The following IQGAP2 variants were observed in gnomAD, a reference collection of about 807,000 sequenced individuals.
IQGAP2 encodes the protein ras GTPase-activating-like protein IQGAP2.
IQGAP2 carries 173 observed loss-of-function variants against 201.3 expected under a neutral mutation model. The ratio of observed to expected loss-of-function variants is 0.86; its 90% CI spans 0.76 to 0.98. The LOEUF is 0.98. Among genes scored for constraint, IQGAP2 ranks in the 50% least tolerant of loss-of-function variants. The pLI is 0.00. For synonymous variants in IQGAP2, 675 were observed against 673.9 expected (o/e 1.00, Z -0.03); for missense variants, 1,687 against 1,864.8 (o/e 0.90, Z 1.76).
rs541671211 is a variant in IQGAP2, at chr5:76,428,078, G to A, written c.46+24487G>A. ...TGAAGGGGCAAACTGGCCCCAGAGA[G>A]GCAGCAGCTTGGACTGTTAGACTCT... On this transcript the variant is annotated intron_variant, in intron 1 of 35. Coordinates refer to ENST00000274364, the MANE Select transcript of IQGAP2 (RefSeq NM_006633.5). Among the ~76,000 whole-genome samples the A allele has an allele frequency of 7.2e-5, 11 of 152,332 alleles. No homozygotes were observed. In the South Asian group the frequency reaches 1.9e-3, roughly 26 times the overall value.
At chr5:76,662,145 G>A (rs1158285914) in intron 21 of IQGAP2, among the ~76,000 whole-genome samples, 2 of 152,118 alleles carry the variant, frequency 1.3e-5, no homozygotes, top group Non-Finnish European at 2.9e-5. Context: ...GCACATTCTG[G>A]AGCAAGTCAG....
intron 1 of IQGAP2, among the ~76,000 whole-genome samples, chr5:76,434,877 G>T (rs1427001302): frequency 2.5e-5 from 1 of 39,898 alleles, no homozygotes; most frequent in Non-Finnish European, 7.9e-5. Flanking sequence ...ATTGTTTTTT[G>T]ATTTTTATTA....
intron 2 of IQGAP2, among the ~76,000 whole-genome samples, chr5:76,489,841 C>T (rs530283398): frequency 6.6e-6 from 1 of 152,346 alleles, no homozygotes; most frequent in South Asian, 2.1e-4. Flanking sequence ...AGGATTGTTT[C>T]TGACTCCTGT....
chr5:76,660,349 A>G (rs1743144082), intron 21 of IQGAP2: 1 of 152,244 alleles, frequency 6.6e-6, no homozygotes, highest in Admixed American at 6.5e-5. Context: ...TACTTTTATT[A>G]TTTTATCCAG....
In IQGAP2 at chr5:76,424,584, A is replaced by G. The variant is rs1751896640; in HGVS notation, c.46+20993A>G. Among the ~76,000 whole-genome samples the G allele has an allele frequency of 2.0e-5, 3 of 152,254 alleles. No individual in the cohort carries two copies. The South Asian group carries it at 6.2e-4, about 31-fold the overall frequency. ...AGTGCTGGTATTACAGGCATGAGCCACCACGCCCGGCCCTAACAGATCTAT... is the reference window on the plus strand; with the variant it reads ...AGTGCTGGTATTACAGGCATGAGCCGCCACGCCCGGCCCTAACAGATCTAT... On this transcript the variant is annotated intron_variant, in intron 1 of 35. Transcript: ENST00000274364.
chr5:76,438,893 G>T (rs143921155), intron 1 of IQGAP2, among the ~76,000 whole-genome samples: 5 of 152,080 alleles, frequency 3.3e-5, no homozygotes, highest in African/African-American at 1.2e-4. Flanking sequence ...ATTTCATTTA[G>T]TTCTGCTCTA....
At chr5:76,440,292 A>C (rs936544700) in intron 1 of IQGAP2, among the ~76,000 whole-genome samples, 1 of 152,174 alleles carries the variant, frequency 6.6e-6, no homozygotes, top group Non-Finnish European at 1.5e-5. Context: ...TGGGAGGCTG[A>C]GGTGAGAGGA....
chr5:76,680,242 T>C (rs1257981885), intron 28 of IQGAP2, among the ~76,000 whole-genome samples: 1 of 152,178 alleles, frequency 6.6e-6, no homozygotes, highest in Non-Finnish European at 1.5e-5. Context: ...AATGGGAAAA[T>C]AGTGTCTCCA....
intron 21 of IQGAP2, among the ~76,000 whole-genome samples, 171 bp downstream of exon 21, chr5:76,658,838 C>T (rs1318355417): frequency 6.6e-6 from 1 of 152,176 alleles, no homozygotes; most frequent in African/African-American, 2.4e-5. Context: ...GAGTCTACTA[C>T]ACATCTAGGC....
chr5:76,551,603 G>A (rs1743532045), intron 2 of IQGAP2, among the ~76,000 whole-genome samples: 1 of 152,096 alleles, frequency 6.6e-6, no homozygotes. Flanking sequence ...CTGCAATCCC[G>A]GCACCTCGGG....
rs1743653426 is a variant in IQGAP2 at position 76,665,297 on chromosome 5, A to C, written c.2679+122A>C. On this transcript the variant is annotated intron_variant, in intron 22 of 35. Transcript: ENST00000274364. ...AGCATACATGTTTTGAGCATCTACT[A>C]AGTACCAAGTGCTGTTGTTGGTGCT... The C allele has an allele frequency of 5.0e-6, 4 of 792,946 alleles. No homozygotes were observed. The Admixed American group carries it at 7.2e-5, about 14-fold the overall frequency. 49.1% of individuals were successfully genotyped at this position (792,946 alleles called of 1,614,324 possible).
chr5:76,495,894 C>T (rs1488518703), intron 2 of IQGAP2, among the ~76,000 whole-genome samples: 1 of 152,180 alleles, frequency 6.6e-6, no homozygotes, highest in Non-Finnish European at 1.5e-5. Flanking sequence ...TCACCTCCCA[C>T]CAGGCCCCAC....
At chr5:76,618,122 G>A (rs768191044) in intron 13 of IQGAP2, 22 of 1,614,038 alleles carry the variant, frequency 1.4e-5, no homozygotes, top group East Asian at 6.7e-5. Context: ...AAGGATGGAC[G>A]ATGGCCAGGT....
intron 2 of IQGAP2, among the ~76,000 whole-genome samples, chr5:76,549,879 G>A (rs1244418826): frequency 1.3e-5 from 2 of 152,082 alleles, no homozygotes; most frequent in African/African-American, 2.4e-5. Flanking sequence ...TAGGGGTTAG[G>A]ACTTCAACAT....
At chr5:76,694,770 G>A (rs916483174) in intron 31 of IQGAP2, among the ~76,000 whole-genome samples, 1 of 152,072 alleles carries the variant, frequency 6.6e-6, no homozygotes, top group Non-Finnish European at 1.5e-5. Flanking sequence ...TCATCTATTG[G>A]GTCAGTCAAT....
chr5:76,527,870 T>G (rs1759059718), intron 2 of IQGAP2, among the ~76,000 whole-genome samples: 1 of 152,274 alleles, frequency 6.6e-6, no homozygotes, highest in Admixed American at 6.5e-5. Context: ...CATTGTATCC[T>G]GTATTAACTT....
intron 2 of IQGAP2, among the ~76,000 whole-genome samples, chr5:76,487,545 G>A (rs755457858): frequency 2.0e-5 from 3 of 152,206 alleles, no homozygotes; most frequent in East Asian, 1.9e-4. Flanking sequence ...CAAGTTTGTA[G>A]ATGTTGCAAA....
chr5:76,682,825 A>G (rs900217560), intron 28 of IQGAP2, among the ~76,000 whole-genome samples: 33 of 152,134 alleles, frequency 2.2e-4, no homozygotes, highest in African/African-American at 7.2e-4. Flanking sequence ...GACTTTTTCT[A>G]TGGAGGAAGA....
chr5:76,477,217 T>G (rs1215413648), intron 2 of IQGAP2, among the ~76,000 whole-genome samples: 2 of 152,202 alleles, frequency 1.3e-5, no homozygotes, highest in African/African-American at 4.8e-5. Context: ...GGTGCACGCC[T>G]GTAGTTTCAG....
Sources: gnomAD v4.1 joint callset for allele counts (sites outside exome capture counted in the v4.1 genomes callset) on GRCh38, gnomAD v4.1.1 for gene constraint, MANE v1.5 for transcripts, NCBI Gene and HGNC (gene_info 2026-07-23, HGNC 2026-07-21) for gene names.